The following KIRREL3 variants were observed in gnomAD, a reference collection of about 807,000 sequenced individuals.
KIRREL3 encodes the protein kin of IRRE-like protein 3.
KIRREL3 carries 36 observed loss-of-function variants against 89.7 expected under a neutral mutation model. The observed-to-expected ratio is 0.40, with a 90% CI of 0.31 to 0.53. The LOEUF (loss-of-function observed/expected upper bound fraction) is 0.53. Ranked by LOEUF, KIRREL3 falls within the 20% of genes least tolerant of loss-of-function variation. KIRREL3 has a pLI of 0.49. For synonymous variants in KIRREL3, 445 were observed against 441.4 expected (o/e 1.01, Z -0.10); for missense variants, 864 against 1,056.6 (o/e 0.82, Z 2.53).
intron 1 of KIRREL3, among the ~76,000 whole-genome samples, chr11:126,889,909 C>T (rs1945845858): frequency 1.3e-5 from 2 of 152,168 alleles, no homozygotes; most frequent in Non-Finnish European, 2.9e-5. Flanking sequence ...ACATTCTTCG[C>T]CTTTCTTCCT....
chr11:126,582,748 T>C (rs1319497507), intron 1 of KIRREL3, among the ~76,000 whole-genome samples: 1 of 152,144 alleles, frequency 6.6e-6, no homozygotes, highest in East Asian at 1.9e-4. Flanking sequence ...GAGTGCTGAC[T>C]GTTAAAGGCC....
intron 1 of KIRREL3, among the ~76,000 whole-genome samples, chr11:126,863,630 AGTGCGTGTGTGT>A (rs1565363827): frequency 1.1e-5 from 1 of 87,274 alleles, no homozygotes; most frequent in African/African-American, 6.9e-5. Flanking sequence ...TGTGTGTTTG[AGTGCGTGTGTGT>A]GTGTTTGAGT....
intron 1 of KIRREL3, among the ~76,000 whole-genome samples, chr11:126,866,097 GAGA>G (rs1315233826): frequency 1.3e-5 from 2 of 152,232 alleles, no homozygotes; most frequent in East Asian, 3.8e-4. Context: ...AGCACAGAAG[GAGA>G]AGAAAGAGAA....
rs1015677610 is a variant in KIRREL3 at position 126,898,662 on chromosome 11, T to C, written c.55+101793A>G. ...TAGGTAACACCCTGTACTTTACATA[T>C]ATTTTGGAAGACCTTTATCAAACAT... On this transcript the variant is annotated intron_variant, in intron 1 of 16. Transcript: ENST00000525144. This position sits in a 1 kb window ranked among gnomAD's most constrained non-coding sequence, Gnocchi z 4.9. 1.3e-5 allele frequency among the ~76,000 whole-genome samples: 2 copies of C among 152,142 alleles called. No homozygotes were observed. The highest frequency in any genetic ancestry group is 4.8e-5 in the African/African-American group (2 of 41,420).
At chr11:126,926,426 G>T (rs116236635) in intron 1 of KIRREL3, among the ~76,000 whole-genome samples, 10 of 152,322 alleles carry the variant, frequency 6.6e-5, no homozygotes, top group African/African-American at 2.4e-4. Flanking sequence ...GTAATGAGCA[G>T]CTCTCTTTGG....
chr11:126,736,750 C>T lies in KIRREL3; in HGVS notation c.56-173838G>A, dbSNP rs1313816796. On this transcript the variant is annotated intron_variant, in intron 1 of 16. Coordinates refer to ENST00000525144, the MANE Select transcript of KIRREL3 (RefSeq NM_032531.4). This position sits in a 1 kb window ranked among gnomAD's most constrained non-coding sequence, Gnocchi z 5.0. ...GGTCTAGACCAATCTCCTGATTTTA[C>T]AGATAAGAAAACCCGGGTGTGGGTA... Among the ~76,000 whole-genome samples, 2 of 152,134 alleles carry T rather than the reference C, an allele frequency of 1.3e-5. No homozygotes were observed. The highest frequency in any genetic ancestry group is 2.1e-4 in the South Asian group (1 of 4,816).
At chr11:126,929,295 A>G (rs1947842846) in intron 1 of KIRREL3, among the ~76,000 whole-genome samples, 1 of 152,020 alleles carries the variant, frequency 6.6e-6, no homozygotes, top group African/African-American at 2.4e-5. Flanking sequence ...CCCAGGTCCA[A>G]AATGTAGCTA....
At position 126,587,683 on chromosome 11, in the gene KIRREL3, A is replaced by G. The variant is rs528668331; in HGVS notation, c.56-24771T>C. ...GTAATCTGGGAGATATTCATTTAAC[A>G]TATTTCTGTCTCTGAATGGCTTTTA... On this transcript the variant is annotated intron_variant, in intron 1 of 16. Coordinates refer to ENST00000525144, the MANE Select transcript of KIRREL3 (RefSeq NM_032531.4). The surrounding 1 kb of genome is among the most constrained non-coding windows in gnomAD (Gnocchi z 5.2). Among the ~76,000 whole-genome samples the G allele has an allele frequency of 7.5e-4, 115 of 152,364 alleles. 1 individual carries two copies. The highest frequency in any genetic ancestry group is 1.4e-3 in the Non-Finnish European group (94 of 68,044).
At chr11:126,910,093 C>T (rs2134898150) in intron 1 of KIRREL3, among the ~76,000 whole-genome samples, 1 of 152,240 alleles carries the variant, frequency 6.6e-6, no homozygotes, top group South Asian at 2.1e-4. Flanking sequence ...CTGAGTCCAT[C>T]ACCAGCTATT....
chr11:126,484,499 A>G lies in KIRREL3; in HGVS notation c.434-11033T>C, dbSNP rs977915990. 8.5e-5 allele frequency among the ~76,000 whole-genome samples: 13 copies of G among 152,240 alleles called. No individual in the cohort carries two copies. Among genetic ancestry groups the G allele is most frequent in the African/African-American group, 3.1e-4 (13 of 41,466 alleles). On this transcript the variant is annotated intron_variant, in intron 4 of 16. Coordinates refer to ENST00000525144, the MANE Select transcript of KIRREL3 (RefSeq NM_032531.4). The surrounding 1 kb of genome is among the most constrained non-coding windows in gnomAD (Gnocchi z 5.2). ...TGAGGAAACAGCCACAAAGTAGTCAAGTTACTTGCCCAACATCACATAGCT... is the reference window on the plus strand; with the variant it reads ...TGAGGAAACAGCCACAAAGTAGTCAGGTTACTTGCCCAACATCACATAGCT...
intron 2 of KIRREL3, among the ~76,000 whole-genome samples, chr11:126,560,647 C>A (rs545113430): frequency 6.6e-6 from 1 of 152,278 alleles, no homozygotes; most frequent in African/African-American, 2.4e-5. Context: ...AATAGGGAAG[C>A]ACTTCTCCCT....
At position 126,689,235 on chromosome 11, in the gene KIRREL3, A is replaced by G. The variant is rs914060843; in HGVS notation, c.56-126323T>C. Among the ~76,000 whole-genome samples the G allele has an allele frequency of 5.3e-5, 8 of 152,206 alleles. No homozygotes were observed. The highest frequency in any genetic ancestry group is 1.2e-4 in the Non-Finnish European group (8 of 68,042). ...AATAGTTAAGAAAGACGATTTTCCA[A>G]TGGCCAATACCTTCTCCCAGTGGCT... On this transcript the variant is annotated intron_variant, in intron 1 of 16. Coordinates refer to ENST00000525144, the MANE Select transcript of KIRREL3 (RefSeq NM_032531.4). This position sits in a 1 kb window ranked among gnomAD's most constrained non-coding sequence, Gnocchi z 5.2.
At chr11:126,585,081 G>A (rs1465528440) in intron 1 of KIRREL3, among the ~76,000 whole-genome samples, 2 of 151,702 alleles carry the variant, frequency 1.3e-5, no homozygotes, top group Non-Finnish European at 2.9e-5. Context: ...CACCACGCCC[G>A]GCTAATTTTT....
Position 126,909,831 on chromosome 11 carries a change from G to C in KIRREL3, c.55+90624C>G, listed in dbSNP as rs988190233. 9.2e-5 allele frequency among the ~76,000 whole-genome samples: 14 copies of C among 152,140 alleles called. No homozygotes were observed. The highest frequency in any genetic ancestry group is 1.6e-4 in the Non-Finnish European group (11 of 68,024). On this transcript the variant is annotated intron_variant, in intron 1 of 16. Coordinates refer to ENST00000525144, the MANE Select transcript of KIRREL3 (RefSeq NM_032531.4). The surrounding 1 kb of genome is among the most constrained non-coding windows in gnomAD (Gnocchi z 4.5). ...TTAAAATATGGATTAATCCCTGGGA[G>C]GGTGTTATGCAAGATTCAGATATAT...
At chr11:126,507,481 G>C (rs1352948200) in intron 4 of KIRREL3, among the ~76,000 whole-genome samples, 1 of 152,058 alleles carries the variant, frequency 6.6e-6, no homozygotes, top group African/African-American at 2.4e-5. Flanking sequence ...TACTTTTTTT[G>C]AATAGCATTG....
chr11:126,847,994 C>T (rs1243345433), intron 1 of KIRREL3, among the ~76,000 whole-genome samples: 1 of 152,150 alleles, frequency 6.6e-6, no homozygotes, highest in Non-Finnish European at 1.5e-5. Context: ...ACTTATAGAG[C>T]CAATAAAAGC....
At chr11:126,533,227 G>A (rs1958996575) in intron 2 of KIRREL3, among the ~76,000 whole-genome samples, 1 of 152,184 alleles carries the variant, frequency 6.6e-6, no homozygotes, top group South Asian at 2.1e-4. Context: ...TGAAGATGAG[G>A]TTGTCTGGGG....
intron 1 of KIRREL3, among the ~76,000 whole-genome samples, chr11:126,662,380 T>A (rs1945446789): frequency 6.6e-6 from 1 of 152,218 alleles, no homozygotes; most frequent in Non-Finnish European, 1.5e-5. Context: ...AATGTTAGTG[T>A]CTTAGTCCCT....
Position 126,565,877 on chromosome 11 carries a change from G to A in KIRREL3, c.56-2965C>T, listed in dbSNP as rs1378638624. 1.3e-5 allele frequency among the ~76,000 whole-genome samples: 2 copies of A among 152,088 alleles called. No individual in the cohort carries two copies. The highest frequency in any genetic ancestry group is 3.9e-4 in the East Asian group (2 of 5,166). On this transcript the variant is annotated intron_variant, in intron 1 of 16. Transcript: ENST00000525144. The surrounding 1 kb of genome is among the most constrained non-coding windows in gnomAD (Gnocchi z 5.4). ...CTTTGGCTTGGGGAGACTCTACCAA[G>A]CCAAACTAACTAGGTTATTAGGAGA... is the stretch of plus-strand genomic sequence containing the variant.
Sources: allele counts gnomAD v4.1 joint callset (sites outside exome capture counted in the v4.1 genomes callset), GRCh38; gene constraint gnomAD v4.1.1; non-coding constraint Gnocchi (gnomAD v3.1); transcripts MANE v1.5; gene names NCBI Gene and HGNC (gene_info 2026-07-23, HGNC 2026-07-21).